Variants in XKRX observed in about 807,000 individuals in gnomAD.
XKRX encodes the protein XK related X-linked, also known as XK-related protein 2.
Under a neutral mutation model 22.4 loss-of-function variants are expected in XKRX, and 11 were observed. The ratio of observed to expected loss-of-function variants is 0.49; its 90% CI spans 0.31 to 0.81. The LOEUF (loss-of-function observed/expected upper bound fraction) is 0.81. Ranked by LOEUF, XKRX falls within the 40% of genes least tolerant of loss-of-function variation. The probability of loss-of-function intolerance (pLI) is 0.05; values close to 1 mark genes in which losing one functional copy is unlikely to be tolerated. For synonymous variants in XKRX, 114 were observed against 132.2 expected (o/e 0.86, Z 0.94); for missense variants, 320 against 336.5 (o/e 0.95, Z 0.38).
upstream of XKRX, among the ~76,000 whole-genome samples, chrX:100,932,974 G>A (rs1237506535): frequency 2.7e-5 from 3 of 110,576 alleles, no homozygotes; most frequent in Non-Finnish European, 5.7e-5. Context: ...AGACCAACCT[G>A]GGCAACAAAG....
chrX:100,957,121 T>A, the XKRX span: 4 of 1,156,376 alleles, frequency 3.5e-6, no homozygotes, highest in Non-Finnish European at 4.7e-6. Context: ...CCTGCCATTG[T>A]TTATGCCAAC....
chrX:100,900,802 T>G, the XKRX span, among the ~76,000 whole-genome samples: 1 of 103,207 alleles, frequency 9.7e-6, no homozygotes, highest in East Asian at 3.0e-4. Flanking sequence ...TTTTTTTTTT[T>G]TTTTTGAGAC....
chrX:100,941,190 C>G, the XKRX span, among the ~76,000 whole-genome samples: 1 of 111,854 alleles, frequency 8.9e-6, no homozygotes, highest in South Asian at 3.8e-4. Context: ...CTAGAGCTGT[C>G]CATTAGGGTA....
the XKRX span, among the ~76,000 whole-genome samples, chrX:100,952,004 G>T: frequency 9.1e-5 from 10 of 110,479 alleles, no homozygotes; most frequent in Non-Finnish European, 1.9e-4. Context: ...ATTTTTGCCA[G>T]AAAAAGGGAG....
the XKRX span, among the ~76,000 whole-genome samples, chrX:100,892,799 C>T: frequency 8.9e-6 from 1 of 112,142 alleles, no homozygotes; most frequent in African/African-American, 3.2e-5. Flanking sequence ...ACAGAATTAC[C>T]ATATGATCTA....
intron 2 of XKRX, among the ~76,000 whole-genome samples, chrX:100,919,920 T>C (rs1045814324): frequency 1.8e-5 from 2 of 111,989 alleles, no homozygotes; most frequent in Non-Finnish European, 3.8e-5. Flanking sequence ...GTCTCATTCA[T>C]GTACACAGGT....
the XKRX span, among the ~76,000 whole-genome samples, chrX:100,907,564 T>C: frequency 8.9e-6 from 1 of 111,772 alleles, no homozygotes; most frequent in African/African-American, 3.3e-5. Flanking sequence ...AATGGGTAGA[T>C]AGTATTCCAA....
At chrX:100,902,390 C>G in the XKRX span, among the ~76,000 whole-genome samples, 3 of 111,616 alleles carry the variant, frequency 2.7e-5, no homozygotes, top group African/African-American at 6.5e-5. Context: ...AAACAATTCC[C>G]AACTTATTTT....
chrX:100,935,044 G>A, the XKRX span, among the ~76,000 whole-genome samples: 1 of 111,878 alleles, frequency 8.9e-6, no homozygotes, highest in Non-Finnish European at 1.9e-5. Flanking sequence ...AGCTGGTTAC[G>A]TTCATTCAGT....
intron 2 of XKRX, among the ~76,000 whole-genome samples, chrX:100,919,978 T>A (rs753986500): frequency 6.3e-5 from 7 of 111,757 alleles, no homozygotes; most frequent in Admixed American, 1.9e-4. Flanking sequence ...AGGAAACAAC[T>A]TTTTTGTGAA....
At chrX:100,909,935 C>T (rs1357288065), downstream of XKRX, among the ~76,000 whole-genome samples, 1 of 56,500 alleles carries the variant, frequency 1.8e-5, no homozygotes, top group African/African-American at 5.1e-5. Context: ...AAAAAAAAAG[C>T]ATATAAAACA....
the XKRX span, chrX:100,957,443 C>G: frequency 0.19 from 220,784 of 1,192,036 alleles, 15,069 homozygotes; most frequent in Middle Eastern, 0.26. Flanking sequence ...TAAATGAGGC[C>G]TCTCGCTCCC....
Position 100,914,868 on chromosome X carries a change from C to A in XKRX, c.820G>T (p.Val274Leu), listed in dbSNP as rs1277885413. The A allele has an allele frequency of 8.3e-7, 1 of 1,211,655 alleles. No individual in the cohort carries two copies. The highest frequency in any genetic ancestry group is 2.2e-5 in the Admixed American group (1 of 45,950). The change falls in exon 3 of 3, where the codon GTG becomes TTG. Residue 274 changes from valine to leucine, a missense_variant. By Grantham distance (32) the Val-to-Leu change is conservative. Coordinates refer to ENST00000372956, the MANE Select transcript of XKRX (RefSeq NM_212559.3). ...TLKLKAVPFL[V>L]LNFLIILFEP... ...AAGAGGATGATCAGGAAGTTGAGCA[C>A]TAGGAAGGGCACAGCCTTCAATTTC... is the stretch of plus-strand genomic sequence containing the variant.
In XKRX at chrX:100,928,720, C is replaced by A. The variant is rs1432107026; in HGVS notation, c.-416G>T. ...GGTGTAGCCGATCTGTCGGGGGCAC[C>A]GACACTCAGCAGCTCCTCACAAAGA... On this transcript the variant is annotated 5_prime_UTR_variant, in exon 1 of 3. Transcript: ENST00000372956. 1 of 771,496 alleles carries A rather than the reference C, an allele frequency of 1.3e-6. No homozygotes were observed. The highest frequency in any genetic ancestry group is 1.5e-6 in the Non-Finnish European group (1 of 651,698). The allele number at this position is 771,496 out of a possible 1,213,427, so 63.6% of individuals were successfully genotyped here.
At chrX:100,909,127 G>A (rs1268682369), downstream of XKRX, among the ~76,000 whole-genome samples, 1 of 112,025 alleles carries the variant, frequency 8.9e-6, no homozygotes, top group Non-Finnish European at 1.9e-5. Context: ...CACAACCACG[G>A]TTTGAAAGGT....
the XKRX span, among the ~76,000 whole-genome samples, chrX:100,939,195 A>G: frequency 8.9e-6 from 1 of 111,994 alleles, no homozygotes; most frequent in South Asian, 3.8e-4. Context: ...AGAAACTGGT[A>G]GCTGATTGCC....
the XKRX span, among the ~76,000 whole-genome samples, chrX:100,953,663 C>A: frequency 9.0e-6 from 1 of 111,108 alleles, no homozygotes; most frequent in South Asian, 3.8e-4. Flanking sequence ...AATCCCAGCA[C>A]TTTGGGAGGC....
intron 2 of XKRX, among the ~76,000 whole-genome samples, chrX:100,922,324 C>T (rs2085477245): frequency 8.9e-6 from 1 of 111,968 alleles, no homozygotes; most frequent in African/African-American, 3.3e-5. Context: ...ATTTGGGAAC[C>T]TCTTATTAAA....
the XKRX span, among the ~76,000 whole-genome samples, chrX:100,952,460 G>C: frequency 9.1e-6 from 1 of 110,345 alleles, no homozygotes; most frequent in East Asian, 2.8e-4. Context: ...AGGCAAGAAT[G>C]TGTGCTTCTC....
Sources: gnomAD v4.1 joint callset for allele counts (sites outside exome capture counted in the v4.1 genomes callset) on GRCh38, gnomAD v4.1.1 for gene constraint, MANE v1.5 for transcripts, NCBI Gene and HGNC (gene_info 2026-07-23, HGNC 2026-07-21) for gene names.